Variants in SETD5 observed in about 807,000 individuals in gnomAD.
The protein encoded by SETD5 is SET domain containing 5.
In SETD5, 44 loss-of-function variants were observed where a neutral mutation model predicts 153.3. The observed-to-expected ratio is 0.29, with a 90% CI of 0.23 to 0.37. The LOEUF (loss-of-function observed/expected upper bound fraction) is 0.37. Among genes scored for constraint, SETD5 ranks in the 10% least tolerant of loss-of-function variants. The probability of loss-of-function intolerance (pLI) is 1.00; values close to 1 mark genes in which losing one functional copy is unlikely to be tolerated. For synonymous variants in SETD5, 716 were observed against 645.2 expected, an observed-to-expected ratio of 1.11 and a Z score of -1.66; for missense variants, 1,544 against 1,768.0, an observed-to-expected ratio of 0.87 and a Z score of 2.27.
chr3:9,468,283 A>T (rs920063638), intron 18 of SETD5, among the ~76,000 whole-genome samples: 17 of 152,116 alleles, frequency 1.1e-4, no homozygotes, highest in African/African-American at 4.1e-4. Context: ...AGCATGAAAC[A>T]TTATAACCAA....
intron 6 of SETD5, 62 bp from the exon 7 acceptor site, chr3:9,435,666 A>AGCT: frequency 7.1e-7 from 1 of 1,414,240 alleles, no homozygotes; most frequent in Non-Finnish European, 9.4e-7. Flanking sequence ...TAAAAGAATA[A>AGCT]GCTACTTTTA....
At chr3:9,430,062 C>T in intron 3 of SETD5, 1 of 1,064,262 alleles carries the variant, frequency 9.4e-7, no homozygotes, top group Non-Finnish European at 1.2e-6. Flanking sequence ...GTGGGTGTTG[C>T]TCTAATTCCC....
At chr3:9,406,268 A>G (rs944971141) in intron 1 of SETD5, among the ~76,000 whole-genome samples, 7 of 152,218 alleles carry the variant, frequency 4.6e-5, no homozygotes, top group African/African-American at 1.4e-4. Context: ...TTAACCTAAA[A>G]CAGAACAAAG....
In SETD5 at chr3:9,464,715, A is replaced by C. The variant is rs779046703; in HGVS notation, c.2724+43A>C. ...GCTGGGAGTGCTGGATATGAAAATCATCATTTGTACCTTCTCATTTCAAAT... is the reference window on the plus strand; with the variant it reads ...GCTGGGAGTGCTGGATATGAAAATCCTCATTTGTACCTTCTCATTTCAAAT... On this transcript the variant is annotated intron_variant, in intron 18 of 22. Transcript: ENST00000402198. 3 of 1,613,628 alleles carry C rather than the reference A, an allele frequency of 1.9e-6. No homozygotes were observed. The Admixed American group carries it at 5.0e-5, about 27-fold the overall frequency.
At chr3:9,417,308 A>G (rs921542467) in intron 1 of SETD5, among the ~76,000 whole-genome samples, 1 of 152,162 alleles carries the variant, frequency 6.6e-6, no homozygotes, top group Non-Finnish European at 1.5e-5. Flanking sequence ...ATAGCTCTTC[A>G]GTCAGGTGCT....
At chr3:9,433,243 A>T in intron 3 of SETD5, 1 of 528,946 alleles carries the variant, frequency 1.9e-6, no homozygotes, top group Non-Finnish European at 3.0e-6. Context: ...TTTTGTCCTT[A>T]ATATGCTTGC....
intron 1 of SETD5, among the ~76,000 whole-genome samples, chr3:9,417,666 T>C (rs956260385): frequency 6.6e-6 from 1 of 151,856 alleles, no homozygotes; most frequent in African/African-American, 2.4e-5. Context: ...TTCGTATTTT[T>C]AGTAGAGACG....
intron 17 of SETD5, among the ~76,000 whole-genome samples, chr3:9,456,662 T>C (rs970663877): frequency 6.6e-6 from 1 of 152,028 alleles, no homozygotes; most frequent in Non-Finnish European, 1.5e-5. Context: ...TTGTAGAGTA[T>C]TTGTGGATTA....
intron 1 of SETD5, among the ~76,000 whole-genome samples, chr3:9,420,092 A>G (rs2038145997): frequency 6.6e-6 from 1 of 152,218 alleles, no homozygotes; most frequent in African/African-American, 2.4e-5. Context: ...TTAGAAGTCT[A>G]AAATCTTCCT....
At chr3:9,439,198 T>TA (rs2040970602) in intron 7 of SETD5, among the ~76,000 whole-genome samples, 1 of 152,330 alleles carries the variant, frequency 6.6e-6, no homozygotes, top group Non-Finnish European at 1.5e-5. Flanking sequence ...AAGCAGGCGA[T>TA]ACTCTGATTG....
chr3:9,434,214 A>G lies in SETD5; in HGVS notation c.178-120A>G, dbSNP rs758348605. The G allele has an allele frequency of 2.6e-6, 4 of 1,551,984 alleles. No individual in the cohort carries two copies. In the African/African-American group the frequency reaches 5.5e-5, roughly 21 times the overall value. Reference sequence around the variant, plus strand: ...TTTCTTCTTTCTTTCCATATGTACCATACTTTAGGGGAGAGAGGGGCCAGT... The same window carrying G: ...TTTCTTCTTTCTTTCCATATGTACCGTACTTTAGGGGAGAGAGGGGCCAGT... On this transcript the variant is annotated intron_variant, in intron 4 of 22. Coordinates refer to ENST00000402198, the MANE Select transcript of SETD5 (RefSeq NM_001080517.3). This position sits in a 1 kb window ranked among gnomAD's most constrained non-coding sequence, Gnocchi z 5.6.
chr3:9,423,375 G>A (rs1198083855), intron 1 of SETD5: 2 of 152,182 alleles, frequency 1.3e-5, no homozygotes, highest in Non-Finnish European at 2.9e-5. Context: ...GGCTGTGTCT[G>A]TTTCTGAATC....
chr3:9,445,962 G>GT (rs1432231015), intron 13 of SETD5, among the ~76,000 whole-genome samples: 94 of 120,198 alleles, frequency 7.8e-4, no homozygotes, highest in South Asian at 3.4e-3. Flanking sequence ...GTTTGAAGAG[G>GT]TTGTTTTTTT....
intron 8 of SETD5, 84 bp downstream of exon 8, chr3:9,440,782 C>A: frequency 1.4e-6 from 2 of 1,468,214 alleles, no homozygotes; most frequent in Non-Finnish European, 1.8e-6. Context: ...AATTACTGTT[C>A]CTTCCAAATG....
chr3:9,446,980 T>G, intron 13 of SETD5, 70 bp from the exon 14 acceptor site: 1 of 1,106,286 alleles, frequency 9.0e-7, no homozygotes, highest in Non-Finnish European at 1.3e-6. Flanking sequence ...CCATTAAAAA[T>G]ACTTTTATAA....
chr3:9,423,898 C>T (rs2038781062), intron 1 of SETD5, among the ~76,000 whole-genome samples: 1 of 152,110 alleles, frequency 6.6e-6, no homozygotes, highest in African/African-American at 2.4e-5. Flanking sequence ...ATTTAAGCGC[C>T]ATTTTTTAAG....
chr3:9,474,978 G>A, intron 21 of SETD5, 90 bp from the exon 22 acceptor site: 1 of 1,170,838 alleles, frequency 8.5e-7, no homozygotes, highest in Non-Finnish European at 1.2e-6. Context: ...ACGGGTTGGT[G>A]ATGGCACTGG....
intron 17 of SETD5, among the ~76,000 whole-genome samples, chr3:9,456,168 A>G (rs1180598015): frequency 6.6e-6 from 1 of 151,818 alleles, no homozygotes; most frequent in Non-Finnish European, 1.5e-5. Flanking sequence ...TTTACTAACT[A>G]TATGATGTTA....
intron 1 of SETD5, among the ~76,000 whole-genome samples, chr3:9,405,261 C>T (rs1035922900): frequency 3.9e-5 from 6 of 152,166 alleles, no homozygotes; most frequent in African/African-American, 1.4e-4. Flanking sequence ...GTATTATTAG[C>T]TTGAAGAAAG....
Sources: allele counts gnomAD v4.1 joint callset (sites outside exome capture counted in the v4.1 genomes callset), GRCh38; gene constraint gnomAD v4.1.1; non-coding constraint Gnocchi (gnomAD v3.1); transcripts MANE v1.5; gene names NCBI Gene and HGNC (gene_info 2026-07-23, HGNC 2026-07-21).